ITPRIPL2: variants seen among roughly 807,000 people sequenced by gnomAD.
ITPRIPL2 encodes the protein inositol 1,4,5-trisphosphate receptor-interacting protein-like 2.
Under a neutral mutation model 31.7 loss-of-function variants are expected in ITPRIPL2, and 29 were observed. The observed-to-expected ratio is 0.91, with a 90% CI of 0.68 to 1.25. The LOEUF is 1.25. Ranked by LOEUF, ITPRIPL2 falls within the 50% of genes most tolerant of loss-of-function variation. The pLI is 0.00. For missense variants in ITPRIPL2, 696 were observed against 739.1 expected (o/e 0.94, Z 0.68); for synonymous variants, 344 against 343.4 (o/e 1.00, Z -0.02).
At position 19,119,838 on chromosome 16, in the gene ITPRIPL2, G is replaced by C. The variant is rs975360763; in HGVS notation, c.*3769G>C. ...GTCAGATCCTACATCAAACCACTTA[G>C]GGCCAGTTTTTGGCATTTCCTTCCT... On this transcript the variant is annotated 3_prime_UTR_variant, in exon 1 of 1. Transcript: ENST00000381440. The C allele has an allele frequency of 1.2e-5, 2 of 167,046 alleles. No homozygotes were observed. Among genetic ancestry groups the C allele is most frequent in the Non-Finnish European group, 2.9e-5 (2 of 68,110 alleles). 10.3% of individuals were successfully genotyped at this position (167,046 alleles called of 1,614,324 possible).
At position 19,117,487 on chromosome 16, in the gene ITPRIPL2, T is replaced by C. The variant is rs1030684035; in HGVS notation, c.*1418T>C. Reference sequence around the variant, plus strand: ...AGCTGGGAGGAGCCGGTCCTGGAATTCTTCCTTGTTCTCCCAAATTTATAA... The same window carrying C: ...AGCTGGGAGGAGCCGGTCCTGGAATCCTTCCTTGTTCTCCCAAATTTATAA... On this transcript the variant is annotated 3_prime_UTR_variant, in exon 1 of 1. Coordinates refer to ENST00000381440, the MANE Select transcript of ITPRIPL2 (RefSeq NM_001034841.4). 6.0e-6 allele frequency: 1 copy of C among 167,074 alleles called. No homozygotes were observed. Among genetic ancestry groups the C allele is most frequent in the Non-Finnish European group, 1.5e-5 (1 of 68,128 alleles). The allele number at this position is 167,074 out of a possible 1,614,324, so 10.3% of individuals were successfully genotyped here. A position where few individuals can be genotyped will look rare whatever the true frequency, so the allele number is the denominator to read the frequency against.
rs1415574103 is a variant in ITPRIPL2 at position 19,115,154 on chromosome 16, C to T, written c.693C>T (p.Pro231=). The change falls in exon 1 of 1, where the codon CCC becomes CCT. Residue 231 remains proline, a synonymous_variant. Transcript: ENST00000381440. The part of the protein sequence containing the change: ...SGGHWLRDCK[P]FADAFCVDVR... ...GCCACTGGCTTCGGGACTGCAAACCCTTTGCTGATGCCTTCTGCGTGGATG... is the reference window on the plus strand; with the variant it reads ...GCCACTGGCTTCGGGACTGCAAACCTTTTGCTGATGCCTTCTGCGTGGATG... 4 of 1,604,674 alleles carry T rather than the reference C, an allele frequency of 2.5e-6. No homozygotes were observed. Among genetic ancestry groups the T allele is most frequent in the East Asian group, 4.5e-5 (2 of 44,866 alleles).
rs1267768480 is a variant in ITPRIPL2 at position 19,114,276 on chromosome 16, A to T, written c.-186A>T. On this transcript the variant is annotated 5_prime_UTR_variant, in exon 1 of 1. Coordinates refer to ENST00000381440, the MANE Select transcript of ITPRIPL2 (RefSeq NM_001034841.4). Reference sequence around the variant, plus strand: ...GCAGGGCGGGCCGCAGCTGGAAGGAACACTTGAGCTGGGAGAGGAGGCCGA... The same window carrying T: ...GCAGGGCGGGCCGCAGCTGGAAGGATCACTTGAGCTGGGAGAGGAGGCCGA... 1.3e-5 allele frequency: 5 copies of T among 388,336 alleles called. No homozygotes were observed. The highest frequency in any genetic ancestry group is 6.2e-5 in the African/African-American group (3 of 48,040). 24.1% of individuals were successfully genotyped at this position (388,336 alleles called of 1,614,324 possible).
In ITPRIPL2 at chr16:19,115,085, G is replaced by A. The variant is rs755387658; in HGVS notation, c.624G>A (p.Leu208=). Residue 208 remains leucine (L), a synonymous_variant, in exon 1 of 1, where the codon TTG becomes TTA. Transcript: ENST00000381440. ...CCCCGGCCTTCCGCGGCTGCTTCTT[G>A]TGCGCCCTCAAGGCACCACCCTCAC... ...ALAPAFRGCF[L]CALKAPPSPS... 3.1e-6 allele frequency: 5 copies of A among 1,599,872 alleles called. No homozygotes were observed. Among genetic ancestry groups the A allele is most frequent in the African/African-American group, 2.7e-5 (2 of 75,060 alleles).
rs1054207126 is a variant in ITPRIPL2 at position 19,120,441 on chromosome 16, T to TC, written c.*4372_*4373insC. Reference sequence around the variant, plus strand: ...ATGTTTCTATCATTTTCTTTTCTTTTTTTTTTTTTTTCGAGACAGAGTTTT... The same window carrying TC: ...ATGTTTCTATCATTTTCTTTTCTTTTCTTTTTTTTTTTCGAGACAGAGTTTT... On this transcript the variant is annotated 3_prime_UTR_variant, in exon 1 of 1. Transcript: ENST00000381440. 4 of 152,062 alleles carry TC rather than the reference T, an allele frequency of 2.6e-5. No individual in the cohort carries two copies. Among genetic ancestry groups the TC allele is most frequent in the African/African-American group, 7.4e-5 (3 of 40,392 alleles). The allele number at this position is 152,062 out of a possible 1,614,324, so 9.4% of individuals were successfully genotyped here. A position where few individuals can be genotyped will look rare whatever the true frequency, so the allele number is the denominator to read the frequency against.
At position 19,120,602 on chromosome 16, in the gene ITPRIPL2, AATATATATAT is replaced by A. The variant is rs57703523; in HGVS notation, c.*4548_*4557del. The A allele has an allele frequency of 1.9e-5, 2 of 106,076 alleles. No homozygotes were observed. The highest frequency in any genetic ancestry group is 2.4e-4 in the East Asian group (1 of 4,236). The allele number at this position is 106,076 out of a possible 1,614,324, so 6.6% of individuals were successfully genotyped here. ...CAGGCACCTGCCACCACGCCTGGCT[AATATATATAT>A]ATATATATATATATTTTTTTTTTTT... On this transcript the variant is annotated 3_prime_UTR_variant, in exon 1 of 1. Transcript: ENST00000381440.
In ITPRIPL2 at chr16:19,114,654, C is replaced by T. The variant is rs768439732; in HGVS notation, c.193C>T (p.Arg65Cys). 1.9e-6 allele frequency: 3 copies of T among 1,608,310 alleles called. No individual in the cohort carries two copies. Among genetic ancestry groups the T allele is most frequent in the African/African-American group, 2.7e-5 (2 of 74,878 alleles). ...GCTCCTCCTCAGCTATGTCCTCCTG[C>T]GCTGTCGCCACGCTGTCCGGCAGCG... ...VLLLLSYVLL[R>C]CRHAVRQRFL... Residue 65 changes from arginine to cysteine, a missense_variant, in exon 1 of 1, where the codon CGC (arginine) becomes TGC (cysteine). Coordinates refer to ENST00000381440, the MANE Select transcript of ITPRIPL2 (RefSeq NM_001034841.4).
rs1963482658 is a variant in ITPRIPL2, at chr16:19,119,254, GAA to G, written c.*3186_*3187del. ...GGGAAGGAGGACTTAAGATGAAAGT[GAA>G]GCAAGAGAGGGAAGGGGAAATGAAG... On this transcript the variant is annotated 3_prime_UTR_variant, in exon 1 of 1. Coordinates refer to ENST00000381440, the MANE Select transcript of ITPRIPL2 (RefSeq NM_001034841.4). The G allele has an allele frequency of 4.9e-6, 2 of 406,932 alleles. No individual in the cohort carries two copies. Among genetic ancestry groups the G allele is most frequent in the Non-Finnish European group, 9.0e-6 (2 of 222,594 alleles). 25.2% of individuals were successfully genotyped at this position (406,932 alleles called of 1,614,324 possible). A position where few individuals can be genotyped will look rare whatever the true frequency, so the allele number is the denominator to read the frequency against.
chr16:19,115,545 C>T lies in ITPRIPL2; in HGVS notation c.1084C>T (p.Leu362=), dbSNP rs765539982. 1.2e-6 allele frequency: 2 copies of T among 1,602,250 alleles called. No homozygotes were observed. Among genetic ancestry groups the T allele is most frequent in the Admixed American group, 1.7e-5 (1 of 59,818 alleles). ...CCAGGAGCAGAAGCTGCTGAGTTGG[C>T]TGCAGGAACGGGCAGCTCCAGGTGC... ...ARQEQKLLSW[L]QERAAPGACY... Residue 362 remains leucine, a synonymous_variant, in exon 1 of 1, where the codon CTG becomes TTG. Coordinates refer to ENST00000381440, the MANE Select transcript of ITPRIPL2 (RefSeq NM_001034841.4).
Position 19,116,061 on chromosome 16 carries a change from G to A in ITPRIPL2, c.1600G>A (p.Glu534Lys), listed in dbSNP as rs2142436966. Residue 534 changes from glutamate to lysine, a missense_variant, in exon 1 of 1, where the codon GAA becomes AAA. Physicochemically the swap from Glu to Lys is moderately conservative, Grantham distance 56. Coordinates refer to ENST00000381440, the MANE Select transcript of ITPRIPL2 (RefSeq NM_001034841.4). ...GCGCACCCAGGGCTTCCTTGAAGGT[G>A]AACCGTAAACCCTGACAGCACCCCC... ...SQRTQGFLEG[E>K]P is the part of the protein sequence containing the mutation. 3.8e-6 allele frequency: 6 copies of A among 1,583,098 alleles called. No homozygotes were observed. The highest frequency in any genetic ancestry group is 5.2e-6 in the Non-Finnish European group (6 of 1,161,892).
rs768410244 is a variant in ITPRIPL2, at chr16:19,115,134, T to C, written c.673T>C (p.Trp225Arg). 5 of 1,602,888 alleles carry C rather than the reference T, an allele frequency of 3.1e-6. No homozygotes were observed. In the Admixed American group the frequency reaches 5.0e-5, roughly 16 times the overall value. ...ACCATCGGGGGCCTCGGGGGGCCAC[T>C]GGCTTCGGGACTGCAAACCCTTTGC... Reference protein sequence around the residue: ...PSPSGASGGHWLRDCKPFADA... With the variant: ...PSPSGASGGHRLRDCKPFADA... The change falls in exon 1 of 1, where the codon TGG (tryptophan) becomes CGG (arginine). Residue 225 changes from tryptophan (W) to arginine (R), a missense_variant. By Grantham distance (101) the Trp-to-Arg change is moderately radical (BLOSUM62 -3). Coordinates refer to ENST00000381440, the MANE Select transcript of ITPRIPL2 (RefSeq NM_001034841.4).
chr16:19,119,213 G>T lies in ITPRIPL2; in HGVS notation c.*3144G>T. The stretch of plus-strand genomic sequence containing the variant: ...AAAGGAGAATTCGAGTGAACCAAGA[G>T]AAATCCAAAGACCTGGGGAAGGAGG... On this transcript the variant is annotated 3_prime_UTR_variant, in exon 1 of 1. Transcript: ENST00000381440. 2.4e-6 allele frequency: 1 copy of T among 411,240 alleles called. No individual in the cohort carries two copies. The highest frequency in any genetic ancestry group is 4.4e-6 in the Non-Finnish European group (1 of 225,268). 25.5% of individuals were successfully genotyped at this position (411,240 alleles called of 1,614,324 possible).
In ITPRIPL2 at chr16:19,116,028, C is replaced by G. The variant is rs559018537; in HGVS notation, c.1567C>G (p.Arg523Gly). 1.9e-6 allele frequency: 3 copies of G among 1,606,232 alleles called. No homozygotes were observed. Among genetic ancestry groups the G allele is most frequent in the Non-Finnish European group, 2.6e-6 (3 of 1,175,258 alleles). ...PRYLARCPPP[R>G]SQRTQGFLEG... ...CTACCTTGCCAGGTGCCCCCCACCCCGGAGTCAGCGCACCCAGGGCTTCCT... is the reference window on the plus strand; with the variant it reads ...CTACCTTGCCAGGTGCCCCCCACCCGGGAGTCAGCGCACCCAGGGCTTCCT... Residue 523 changes from arginine (R) to glycine (G), a missense_variant, in exon 1 of 1, where the codon CGG becomes GGG. Arg to Gly is a moderately radical substitution (Grantham distance 125, BLOSUM62 -2). Coordinates refer to ENST00000381440, the MANE Select transcript of ITPRIPL2 (RefSeq NM_001034841.4).
In ITPRIPL2 at chr16:19,114,666, G is replaced by A. The variant is rs747731596; in HGVS notation, c.205G>A (p.Ala69Thr). The change falls in exon 1 of 1, where the codon GCT becomes ACT. Residue 69 changes from alanine to threonine, a missense_variant. By Grantham distance (58) the Ala-to-Thr change is moderately conservative (BLOSUM62 0). Coordinates refer to ENST00000381440, the MANE Select transcript of ITPRIPL2 (RefSeq NM_001034841.4). ...CTATGTCCTCCTGCGCTGTCGCCACGCTGTCCGGCAGCGCTTCCTGCCCGG... is the reference window on the plus strand; with the variant it reads ...CTATGTCCTCCTGCGCTGTCGCCACACTGTCCGGCAGCGCTTCCTGCCCGG... ...LSYVLLRCRH[A>T]VRQRFLPGSP... The A allele has an allele frequency of 1.4e-5, 23 of 1,610,076 alleles. No individual in the cohort carries two copies. Among genetic ancestry groups the A allele is most frequent in the African/African-American group, 2.7e-5 (2 of 74,898 alleles).
At position 19,115,609 on chromosome 16, in the gene ITPRIPL2, G is replaced by A. The variant is rs1458679391; in HGVS notation, c.1148G>A (p.Arg383His). 3 of 1,608,038 alleles carry A rather than the reference G, an allele frequency of 1.9e-6. No individual in the cohort carries two copies. In the African/African-American group the frequency reaches 4.0e-5, roughly 21 times the overall value. ...TGCCTGCAGTTGCTTAAGGCTCTGC[G>A]CGATCTGGGGGCCCGTGGGCTGGAC... ...LKCLQLLKAL[R>H]DLGARGLDSA... is the part of the protein sequence containing the mutation. Residue 383 changes from arginine to histidine, a missense_variant, in exon 1 of 1, where the codon CGC becomes CAC. By Grantham distance (29) the Arg-to-His change is conservative. Coordinates refer to ENST00000381440, the MANE Select transcript of ITPRIPL2 (RefSeq NM_001034841.4).
At position 19,114,563 on chromosome 16, in the gene ITPRIPL2, G is replaced by A. The variant is rs757189685; in HGVS notation, c.102G>A (p.Gly34=). 16 of 1,545,298 alleles carry A rather than the reference G, an allele frequency of 1.0e-5. No individual in the cohort carries two copies. The highest frequency in any genetic ancestry group is 3.4e-4 in the Middle Eastern group (2 of 5,884). ...VCLYHVLRGS[G]GARAEPADGV... is the part of the protein sequence containing the mutation. ...TCTACCATGTCCTGCGGGGAAGCGGGGGCGCCCGGGCCGAGCCCGCCGACG... is the reference window on the plus strand; with the variant it reads ...TCTACCATGTCCTGCGGGGAAGCGGAGGCGCCCGGGCCGAGCCCGCCGACG... Residue 34 remains glycine, a synonymous_variant, in exon 1 of 1, where the codon GGG becomes GGA. Coordinates refer to ENST00000381440, the MANE Select transcript of ITPRIPL2 (RefSeq NM_001034841.4).
Position 19,121,052 on chromosome 16 carries a change from TTTTTTTTTAAATCACTTG to T in ITPRIPL2, c.*4987_*5004del, listed in dbSNP as rs992322735. ...TATCATCGTGGCATTCGTTAGTTTT[TTTTTTTTTAAATCACTTG>T]TTTAGATACAACTTTATTTTTTTAT... On this transcript the variant is annotated 3_prime_UTR_variant, in exon 1 of 1. Transcript: ENST00000381440. 6.0e-6 allele frequency: 1 copy of T among 166,790 alleles called. No homozygotes were observed. Among genetic ancestry groups the T allele is most frequent in the Admixed American group, 6.5e-5 (1 of 15,274 alleles). 10.3% of individuals were successfully genotyped at this position (166,790 alleles called of 1,614,324 possible).
chr16:19,116,494 A>G lies in ITPRIPL2; in HGVS notation c.*425A>G, dbSNP rs1224424270. ...ACAAAACACTAAAGTTTTTGACACA[A>G]TTACTTGCTAGGTACTGGGTTCCTG... On this transcript the variant is annotated 3_prime_UTR_variant, in exon 1 of 1. Coordinates refer to ENST00000381440, the MANE Select transcript of ITPRIPL2 (RefSeq NM_001034841.4). The G allele has an allele frequency of 1.1e-5, 2 of 180,704 alleles. No homozygotes were observed. The highest frequency in any genetic ancestry group is 4.8e-5 in the African/African-American group (2 of 42,020). The allele number at this position is 180,704 out of a possible 1,614,324, so 11.2% of individuals were successfully genotyped here.
rs1386258406 is a variant in ITPRIPL2 at position 19,116,459 on chromosome 16, AAAAAAC to A, written c.*395_*400del. 2 of 208,586 alleles carry A rather than the reference AAAAAAC, an allele frequency of 9.6e-6. No individual in the cohort carries two copies. Among genetic ancestry groups the A allele is most frequent in the Middle Eastern group, 1.8e-3 (1 of 542 alleles). The allele number at this position is 208,586 out of a possible 1,614,324, so 12.9% of individuals were successfully genotyped here. ...CACAGATCTCTCTGCCCAAATTAAAAAAAAACAAAACAAAACACTAAAGTTTTTGAC... is the reference window on the plus strand; with the variant it reads ...CACAGATCTCTCTGCCCAAATTAAAAAAAACAAAACACTAAAGTTTTTGAC... On this transcript the variant is annotated 3_prime_UTR_variant, in exon 1 of 1. Transcript: ENST00000381440.
Sources: allele counts gnomAD v4.1 joint callset, GRCh38; gene constraint gnomAD v4.1.1; transcripts MANE v1.5; gene names NCBI Gene and HGNC (gene_info 2026-07-23, HGNC 2026-07-21).